The following ABHD6 variants were observed in gnomAD, a reference collection of about 807,000 sequenced individuals.
ABHD6 encodes the protein monoacylglycerol lipase ABHD6.
Under a neutral mutation model 38.8 loss-of-function variants are expected in ABHD6, and 33 were observed. The ratio of observed to expected loss-of-function variants is 0.85; its 90% CI spans 0.64 to 1.14. ABHD6 has a LOEUF of 1.14. Among genes scored for constraint, ABHD6 ranks in the 50% most tolerant of loss-of-function variants. ABHD6 has a pLI of 0.00. For synonymous variants in ABHD6, 147 were observed against 161.6 expected (o/e 0.91, Z 0.69); for missense variants, 380 against 422.6 (o/e 0.90, Z 0.88).
At chr3:58,268,283 A>G (rs1338840009) in intron 4 of ABHD6, among the ~76,000 whole-genome samples, 1 of 152,026 alleles carries the variant, frequency 6.6e-6, no homozygotes, top group African/African-American at 2.4e-5. Context: ...TGTACTCCCA[A>G]GTTTCTTCTC....
rs116609441 is a variant in ABHD6 at position 58,253,831 on chromosome 3, T to C, written c.-25-2731T>C. ...TTGCATCAGAGACAAAGACAGTGCT[T>C]ATGCCCTGGGAAGGTGGCAGCTTTC... On this transcript the variant is annotated intron_variant, in intron 2 of 9. Transcript: ENST00000478253. 2.4e-3 allele frequency among the ~76,000 whole-genome samples: 369 copies of C among 152,308 alleles called. 2 individuals are homozygous for C. The highest frequency in any genetic ancestry group is 8.5e-3 in the African/African-American group (355 of 41,560).
Position 58,281,360 on chromosome 3 carries a change from C to T in ABHD6, c.682-3725C>T, listed in dbSNP as rs142273099. ...TGCAGTTCAATCTCAGACTGCTGTGCTAGCAGGGAGCAAGGCTCTGTGGGC... is the reference window on the plus strand; with the variant it reads ...TGCAGTTCAATCTCAGACTGCTGTGTTAGCAGGGAGCAAGGCTCTGTGGGC... On this transcript the variant is annotated intron_variant, in intron 7 of 9. Coordinates refer to ENST00000478253, the MANE Select transcript of ABHD6 (RefSeq NM_001320126.2). Among the ~76,000 whole-genome samples the T allele has an allele frequency of 8.2e-3, 1,253 of 152,318 alleles. 19 individuals are homozygous for T. Among genetic ancestry groups the T allele is most frequent in the African/African-American group, 0.029 (1,200 of 41,574 alleles).
Position 58,244,242 on chromosome 3 carries a change from T to G in ABHD6, c.-90-5636T>G, listed in dbSNP as rs149647051. Among the ~76,000 whole-genome samples the G allele has an allele frequency of 5.6e-4, 86 of 152,320 alleles. 2 individuals carry two copies. Among genetic ancestry groups the G allele is most frequent in the Middle Eastern group, 3.4e-3 (1 of 294 alleles). Reference sequence around the variant, plus strand: ...CTTGGATGATGTGTCAAAGCAATAATAGGATCTGGCAATGTGAGATCTGCC... The same window carrying G: ...CTTGGATGATGTGTCAAAGCAATAAGAGGATCTGGCAATGTGAGATCTGCC... On this transcript the variant is annotated intron_variant, in intron 1 of 9. Transcript: ENST00000478253.
chr3:58,243,556 G>GA (rs2097424273), intron 1 of ABHD6, among the ~76,000 whole-genome samples: 1 of 151,626 alleles, frequency 6.6e-6, no homozygotes. Context: ...AGAAAATAGA[G>GA]AAAAAAACAG....
At position 58,251,522 on chromosome 3, in the gene ABHD6, C is replaced by G. The variant is rs2097429944; in HGVS notation, c.-26+1580C>G. ...AGAAAATTGTGAGATGTGCCTTACTCCTAACCCCAGATTAAACTTCATTTC... is the reference window on the plus strand; with the variant it reads ...AGAAAATTGTGAGATGTGCCTTACTGCTAACCCCAGATTAAACTTCATTTC... On this transcript the variant is annotated intron_variant, in intron 2 of 9. Transcript: ENST00000478253. The surrounding 1 kb of genome is among the most constrained non-coding windows in gnomAD (Gnocchi z 5.4). 6.6e-6 allele frequency among the ~76,000 whole-genome samples: 1 copy of G among 152,168 alleles called. No individual in the cohort carries two copies. The highest frequency in any genetic ancestry group is 2.4e-5 in the African/African-American group (1 of 41,432).
chr3:58,256,734 A>C lies in ABHD6; in HGVS notation c.119+29A>C, dbSNP rs780607949. 2.0e-6 allele frequency: 3 copies of C among 1,520,532 alleles called. No homozygotes were observed. The East Asian group carries it at 6.8e-5, about 34-fold the overall frequency. The allele number at this position is 1,520,532 out of a possible 1,614,324, so 94.2% of individuals were successfully genotyped here. ...AGCCAGTTTTATCATTGATGTTTTC[A>C]AGAGTATCATAATATTGACATCTTC... On this transcript the variant is annotated intron_variant, in intron 3 of 9. Transcript: ENST00000478253. This position sits in a 1 kb window ranked among gnomAD's most constrained non-coding sequence, Gnocchi z 4.3.
At chr3:58,286,633 C>A (rs1045784030) in intron 9 of ABHD6, among the ~76,000 whole-genome samples, 1 of 151,420 alleles carries the variant, frequency 6.6e-6, no homozygotes, top group Non-Finnish European at 1.5e-5. Flanking sequence ...TTCCAGTGAA[C>A]CTTTATTTAT....
rs2097464379 is a variant in ABHD6, at chr3:58,293,057, C to T, written c.838-532C>T. On this transcript the variant is annotated intron_variant, in intron 9 of 9. Coordinates refer to ENST00000478253, the MANE Select transcript of ABHD6 (RefSeq NM_001320126.2). This position sits in a 1 kb window ranked among gnomAD's most constrained non-coding sequence, Gnocchi z 4.4. ...AACACAGCCTGTGGTTCCCCATGGT[C>T]CGTGTGGCTGTAGGAGCAGCGCCCT... 6.6e-6 allele frequency among the ~76,000 whole-genome samples: 1 copy of T among 152,164 alleles called. No individual in the cohort carries two copies. Among genetic ancestry groups the T allele is most frequent in the Admixed American group, 6.5e-5 (1 of 15,278 alleles).
At chr3:58,254,464 C>T (rs140765729) in intron 2 of ABHD6, among the ~76,000 whole-genome samples, 1 of 152,324 alleles carries the variant, frequency 6.6e-6, no homozygotes, top group Non-Finnish European at 1.5e-5. Context: ...CACCGTCTGG[C>T]ACTTTACAGA....
Position 58,259,508 on chromosome 3 carries a change from C to T in ABHD6, c.119+2803C>T, listed in dbSNP as rs1252528229. On this transcript the variant is annotated intron_variant, in intron 3 of 9. Transcript: ENST00000478253. The surrounding 1 kb of genome is among the most constrained non-coding windows in gnomAD (Gnocchi z 4.7). ...CAGCCTGGCCAACATGGCGAAACCCCGTCTCTACTAAAAATACAAAAAATT... is the reference window on the plus strand; with the variant it reads ...CAGCCTGGCCAACATGGCGAAACCCTGTCTCTACTAAAAATACAAAAAATT... 2.6e-5 allele frequency among the ~76,000 whole-genome samples: 4 copies of T among 151,992 alleles called. No homozygotes were observed. Among genetic ancestry groups the T allele is most frequent in the Admixed American group, 6.6e-5 (1 of 15,256 alleles).
At chr3:58,284,524 C>T (rs2097455571) in intron 7 of ABHD6, among the ~76,000 whole-genome samples, 1 of 151,354 alleles carries the variant, frequency 6.6e-6, no homozygotes, top group African/African-American at 2.4e-5. Flanking sequence ...AATCTCAGCT[C>T]ACTGCAACCT....
At chr3:58,270,698 A>C (rs2138240) in intron 5 of ABHD6, among the ~76,000 whole-genome samples, 45,042 of 151,950 alleles carry the variant, frequency 0.3, 6,850 homozygotes, top group African/African-American at 0.36. Context: ...ATTAATTAGC[A>C]GAATCCCTGT....
rs1355712544 is a variant in ABHD6 at position 58,274,774 on chromosome 3, C to T, written c.640C>T (p.Leu214Phe). Reference protein sequence around the residue: ...PSTPEEMSEMLQLCSYVRFKV... With the variant: ...PSTPEEMSEMFQLCSYVRFKV... Reference sequence around the variant, plus strand: ...TACCCCAGAAGAGATGAGTGAAATGCTTCAGCTCTGCTCCTATGTCCGCTT... The same window carrying T: ...TACCCCAGAAGAGATGAGTGAAATGTTTCAGCTCTGCTCCTATGTCCGCTT... Residue 214 changes from leucine (L) to phenylalanine (F), a missense_variant, in exon 7 of 10, where the codon CTT becomes TTT. Leu to Phe is a conservative substitution (Grantham distance 22, BLOSUM62 0). Coordinates refer to ENST00000478253, the MANE Select transcript of ABHD6 (RefSeq NM_001320126.2). 6 of 1,614,096 alleles carry T rather than the reference C, an allele frequency of 3.7e-6. No homozygotes were observed. In the Admixed American group the frequency reaches 5.0e-5, roughly 13 times the overall value.
chr3:58,263,811 C>T lies in ABHD6; in HGVS notation c.120-3378C>T, dbSNP rs1234371430. Among the ~76,000 whole-genome samples the T allele has an allele frequency of 6.6e-6, 1 of 152,130 alleles. No individual in the cohort carries two copies. Among genetic ancestry groups the T allele is most frequent in the Non-Finnish European group, 1.5e-5 (1 of 68,030 alleles). On this transcript the variant is annotated intron_variant, in intron 3 of 9. Transcript: ENST00000478253. The surrounding 1 kb of genome is among the most constrained non-coding windows in gnomAD (Gnocchi z 4.9). ...AAAAACGTAACCCATTCGAGCCCCA[C>T]TCCCAGTACCAAAAATAAAAAATAA...
Position 58,265,546 on chromosome 3 carries a change from A to G in ABHD6, c.120-1643A>G, listed in dbSNP as rs567944120. On this transcript the variant is annotated intron_variant, in intron 3 of 9. Transcript: ENST00000478253. The surrounding 1 kb of genome is among the most constrained non-coding windows in gnomAD (Gnocchi z 4.2). ...TGCTGGGCATTGAACAAAACTTTGTACATGGATTACCTCATCATTTAATCT... is the reference window on the plus strand; with the variant it reads ...TGCTGGGCATTGAACAAAACTTTGTGCATGGATTACCTCATCATTTAATCT... Among the ~76,000 whole-genome samples the G allele has an allele frequency of 7.8e-4, 119 of 152,364 alleles. No homozygotes were observed. Among genetic ancestry groups the G allele is most frequent in the Middle Eastern group, 3.4e-3 (1 of 294 alleles).
Position 58,238,831 on chromosome 3 carries a change from C to G in ABHD6, c.-91+915C>G, listed in dbSNP as rs1411954144. On this transcript the variant is annotated intron_variant, in intron 1 of 9. Coordinates refer to ENST00000478253, the MANE Select transcript of ABHD6 (RefSeq NM_001320126.2). The surrounding 1 kb of genome is among the most constrained non-coding windows in gnomAD (Gnocchi z 6.9). ...GAGGCCCTCATTTATCTCGCCGCCC[C>G]CCTCCCCGCTGCTCCCGCCTGCTCA... is the stretch of plus-strand genomic sequence containing the variant. 6.6e-6 allele frequency among the ~76,000 whole-genome samples: 1 copy of G among 152,168 alleles called. No homozygotes were observed. The highest frequency in any genetic ancestry group is 1.9e-4 in the East Asian group (1 of 5,190).
At chr3:58,260,381 A>G (rs564369086) in intron 3 of ABHD6, among the ~76,000 whole-genome samples, 2 of 152,350 alleles carry the variant, frequency 1.3e-5, no homozygotes, top group Admixed American at 1.3e-4. Context: ...TGAAAATCCT[A>G]GAAAACCTTT....
At chr3:58,290,823 C>T (rs1258118908) in intron 9 of ABHD6, among the ~76,000 whole-genome samples, 4 of 149,258 alleles carry the variant, frequency 2.7e-5, no homozygotes, top group Non-Finnish European at 5.9e-5. Context: ...GATGGGATGG[C>T]GGCCGGGAAG....
At chr3:58,284,667 T>A (rs1172262031) in intron 7 of ABHD6, among the ~76,000 whole-genome samples, 1 of 152,066 alleles carries the variant, frequency 6.6e-6, no homozygotes, top group Non-Finnish European at 1.5e-5. Context: ...GCCAGGCTGG[T>A]CTTGAACTCC....
Sources: allele counts gnomAD v4.1 joint callset (sites outside exome capture counted in the v4.1 genomes callset), GRCh38; gene constraint gnomAD v4.1.1; non-coding constraint Gnocchi (gnomAD v3.1); transcripts MANE v1.5; gene names NCBI Gene and HGNC (gene_info 2026-07-23, HGNC 2026-07-21).